Variants in ZNF804A observed in about 807,000 individuals in gnomAD.
ZNF804A encodes zinc finger protein 804A.
ZNF804A carries 2 observed loss-of-function variants against 16.5 expected under a neutral mutation model. That is an observed-to-expected ratio of 0.12 (90% CI 0.05 to 0.38). The LOEUF (loss-of-function observed/expected upper bound fraction) is 0.38. Ranked by LOEUF, ZNF804A falls within the 10% of genes least tolerant of loss-of-function variation. The probability of loss-of-function intolerance (pLI) is 0.99; values close to 1 mark genes in which losing one functional copy is unlikely to be tolerated. For synonymous variants in ZNF804A, 534 were observed against 489.6 expected (o/e 1.09, Z -1.20); for missense variants, 1,473 against 1,390.7 (o/e 1.06, Z -0.94).
chr2:184,867,486 T>C (rs1695893016), intron 2 of ZNF804A, among the ~76,000 whole-genome samples: 2 of 152,110 alleles, frequency 1.3e-5, no homozygotes, highest in Non-Finnish European at 2.9e-5. Flanking sequence ...TCCTTTGCTG[T>C]CAATCCTGCA....
At chr2:184,853,229 T>TTA (rs1366415373) in intron 1 of ZNF804A, among the ~76,000 whole-genome samples, 3 of 151,928 alleles carry the variant, frequency 2.0e-5, no homozygotes, top group African/African-American at 4.8e-5. Context: ...TGTTGGATTG[T>TTA]TCATTATTAT....
At chr2:184,923,085 A>G (rs1685555662) in intron 2 of ZNF804A, among the ~76,000 whole-genome samples, 1 of 151,966 alleles carries the variant, frequency 6.6e-6, no homozygotes, top group Admixed American at 6.6e-5. Context: ...ATTTATGTGA[A>G]TAATATCATT....
intron 1 of ZNF804A, among the ~76,000 whole-genome samples, chr2:184,800,263 T>C (rs1283422601): frequency 6.6e-6 from 1 of 152,034 alleles, no homozygotes; most frequent in Non-Finnish European, 1.5e-5. Context: ...TTGTTTTCCT[T>C]CTTTCAGTAA....
At chr2:184,706,447 T>C (rs1559131111) in intron 1 of ZNF804A, among the ~76,000 whole-genome samples, 1 of 152,200 alleles carries the variant, frequency 6.6e-6, no homozygotes, top group Non-Finnish European at 1.5e-5. Flanking sequence ...TTGAAGCCAT[T>C]TCATCATGTA....
intron 1 of ZNF804A, among the ~76,000 whole-genome samples, chr2:184,858,771 G>T (rs1399917214): frequency 6.6e-6 from 1 of 152,010 alleles, no homozygotes; most frequent in Admixed American, 6.6e-5. Flanking sequence ...ACTTTTATCA[G>T]TCAGTTTTAC....
Position 184,824,272 on chromosome 2 carries a change from A to T in ZNF804A, c.112-42097A>T, listed in dbSNP as rs548606267. Among the ~76,000 whole-genome samples, 39 of 152,292 alleles carry T rather than the reference A, an allele frequency of 2.6e-4. 1 individual carries two copies. The highest frequency in any genetic ancestry group is 9.1e-4 in the African/African-American group (38 of 41,580). On this transcript the variant is annotated intron_variant, in intron 1 of 3. Transcript: ENST00000302277. ...TACATTTCTGAAAGCCTCCATGACA[A>T]TATATATTTTTTAAATATTTCAATT...
intron 1 of ZNF804A, among the ~76,000 whole-genome samples, chr2:184,631,091 T>A (rs1157599531): frequency 6.6e-6 from 1 of 152,180 alleles, no homozygotes; most frequent in East Asian, 1.9e-4. Context: ...CTCTGGATTA[T>A]ATGTTGATAT....
At chr2:184,749,742 C>T (rs112897640) in intron 1 of ZNF804A, among the ~76,000 whole-genome samples, 5,347 of 151,192 alleles carry the variant, frequency 0.035, 307 homozygotes, top group African/African-American at 0.12. Context: ...TAATTTATTA[C>T]TTTATGGCAT....
intron 2 of ZNF804A, among the ~76,000 whole-genome samples, chr2:184,904,304 G>T (rs562568060): frequency 6.6e-6 from 1 of 152,064 alleles, no homozygotes; most frequent in African/African-American, 2.4e-5. Context: ...AATTTTGCAT[G>T]TTACAGATAA....
intron 1 of ZNF804A, among the ~76,000 whole-genome samples, chr2:184,644,556 T>A (rs1308674557): frequency 2.0e-5 from 3 of 151,946 alleles, no homozygotes; most frequent in Non-Finnish European, 4.4e-5. Flanking sequence ...TAAAAAAACC[T>A]GTATAGACAT....
chr2:184,935,718 A>G (rs1465611671), intron 3 of ZNF804A, 65 bp from the exon 4 acceptor site: 21 of 1,476,342 alleles, frequency 1.4e-5, no homozygotes, highest in Non-Finnish European at 1.9e-5. Flanking sequence ...AAAGATGAAA[A>G]TATTTGACTA....
rs1299198027 is a variant in ZNF804A at position 184,754,102 on chromosome 2, C to T, written c.112-112267C>T. On this transcript the variant is annotated intron_variant, in intron 1 of 3. Transcript: ENST00000302277. ...ATATTTCATCTGGTAACCTTACTTG[C>T]GACATAAGTTTGATCAGTTAAGAAT... 3.3e-5 allele frequency among the ~76,000 whole-genome samples: 5 copies of T among 151,708 alleles called. No individual in the cohort carries two copies. The South Asian group carries it at 6.2e-4, about 19-fold the overall frequency.
intron 1 of ZNF804A, among the ~76,000 whole-genome samples, chr2:184,690,355 T>C (rs2105724951): frequency 6.6e-6 from 1 of 152,170 alleles, no homozygotes; most frequent in Admixed American, 6.5e-5. Context: ...TTATGTAGTG[T>C]GCTTACTATT....
intron 2 of ZNF804A, among the ~76,000 whole-genome samples, chr2:184,898,140 T>C (rs1484694684): frequency 1.3e-5 from 2 of 152,164 alleles, no homozygotes; most frequent in Non-Finnish European, 2.9e-5. Context: ...TTTTTATTCT[T>C]GAAAAGACAC....
In ZNF804A at chr2:184,937,792, C is replaced by A; in HGVS notation, c.2396C>A (p.Pro799Gln). The A allele has an allele frequency of 6.2e-7, 1 of 1,613,960 alleles. No homozygotes were observed. Residue 799 changes from proline (P) to glutamine (Q), a missense_variant, in exon 4 of 4, where the codon CCA (proline) becomes CAA (glutamine). Physicochemically the swap from Pro to Gln is moderately conservative, Grantham distance 76 (BLOSUM62 -1). Coordinates refer to ENST00000302277, the MANE Select transcript of ZNF804A (RefSeq NM_194250.2). ...TTACCAGAAGAATTTTTGAGGCCAC[C>A]AAGTACTTCAGTTGCTCCCTGCAAG... The part of the protein sequence containing the change: ...NHLPEEFLRP[P>Q]STSVAPCKPK...
rs942647010 is a variant in ZNF804A at position 184,612,795 on chromosome 2, G to A, written c.111+13725G>A. On this transcript the variant is annotated intron_variant, in intron 1 of 3. Coordinates refer to ENST00000302277, the MANE Select transcript of ZNF804A (RefSeq NM_194250.2). Reference sequence around the variant, plus strand: ...AAGCTTTTTCACAGGTAGACTGATAGTAATAGAATTTCAGATGGAGTTTAT... The same window carrying A: ...AAGCTTTTTCACAGGTAGACTGATAATAATAGAATTTCAGATGGAGTTTAT... 5.4e-4 allele frequency among the ~76,000 whole-genome samples: 82 copies of A among 152,164 alleles called. 5 individuals carry two copies. The highest frequency in any genetic ancestry group is 4.4e-5 in the Non-Finnish European group (3 of 68,038).
At chr2:184,772,979 A>G (rs1694239733) in intron 1 of ZNF804A, among the ~76,000 whole-genome samples, 2 of 147,240 alleles carry the variant, frequency 1.4e-5, no homozygotes, top group African/African-American at 5.0e-5. Flanking sequence ...ATGTATATAT[A>G]TATGTGTGTG....
At chr2:184,678,783 C>A (rs1424934370) in intron 1 of ZNF804A, among the ~76,000 whole-genome samples, 2 of 152,112 alleles carry the variant, frequency 1.3e-5, no homozygotes, top group African/African-American at 2.4e-5. Context: ...ACAGACATAC[C>A]AAAATGTATG....
At chr2:184,911,583 T>C (rs1303009377) in intron 2 of ZNF804A, among the ~76,000 whole-genome samples, 1 of 152,020 alleles carries the variant, frequency 6.6e-6, no homozygotes, top group Non-Finnish European at 1.5e-5. Context: ...ATTTTACCCA[T>C]ATTGATTTTC....
Sources: allele counts gnomAD v4.1 joint callset (sites outside exome capture counted in the v4.1 genomes callset), GRCh38; gene constraint gnomAD v4.1.1; transcripts MANE v1.5; gene names NCBI Gene and HGNC (gene_info 2026-07-23, HGNC 2026-07-21).